EFNA5: variants seen among roughly 807,000 people sequenced by gnomAD.
The protein encoded by EFNA5 is ephrin-A5.
In EFNA5, 5 loss-of-function variants were observed where a neutral mutation model predicts 22.9. That is an observed-to-expected ratio of 0.22 (90% CI 0.11 to 0.46). The LOEUF (loss-of-function observed/expected upper bound fraction) is 0.46, where lower values mean the gene tolerates loss of function less well. Among genes scored for constraint, EFNA5 ranks in the 20% least tolerant of loss-of-function variants. EFNA5 has a pLI of 0.99. For synonymous variants in EFNA5, 113 were observed against 112.2 expected (o/e 1.01, Z -0.04); for missense variants, 237 against 293.3 (o/e 0.81, Z 1.40).
At chr5:107,441,532 G>A (rs1749257133) in intron 1 of EFNA5, among the ~76,000 whole-genome samples, 1 of 152,166 alleles carries the variant, frequency 6.6e-6, no homozygotes, top group East Asian at 1.9e-4. Flanking sequence ...CTTCAGTTTA[G>A]TTCTGAATCC....
intron 1 of EFNA5, among the ~76,000 whole-genome samples, chr5:107,521,758 C>T (rs1747604467): frequency 6.6e-6 from 1 of 152,036 alleles, no homozygotes; most frequent in East Asian, 1.9e-4. Flanking sequence ...AATGTGTGTC[C>T]CTTTCATACC....
At chr5:107,423,845 TTAAAA>T (rs1277100599) in intron 2 of EFNA5, among the ~76,000 whole-genome samples, 1 of 152,180 alleles carries the variant, frequency 6.6e-6, no homozygotes, top group Non-Finnish European at 1.5e-5. Flanking sequence ...TTCTTGGGAG[TTAAAA>T]TAAAGGGACT....
rs3999107 is a variant in EFNA5, at chr5:107,435,315, C to CTTTTTTTTTTTTTTTTT, written c.126-7823_126-7807dup. On this transcript the variant is annotated intron_variant, in intron 1 of 4. Coordinates refer to ENST00000333274, the MANE Select transcript of EFNA5 (RefSeq NM_001962.3). ...TTCCTATTCTAAATCTGAAGATGCT[C>CTTTTTTTTTTTTTTTTT]TTTTTTTTTTTTTTTTTTTTTTGCT... Among the ~76,000 whole-genome samples, 269 of 104,610 alleles carry CTTTTTTTTTTTTTTTTT rather than the reference C, an allele frequency of 2.6e-3. 1 individual carries two copies. Among genetic ancestry groups the CTTTTTTTTTTTTTTTTT allele is most frequent in the Middle Eastern group, 6.3e-3 (1 of 160 alleles). 68.6% of individuals were successfully genotyped at this position (104,610 alleles called of 152,430 possible).
At chr5:107,585,227 A>G (rs1452443975) in intron 1 of EFNA5, among the ~76,000 whole-genome samples, 1 of 152,204 alleles carries the variant, frequency 6.6e-6, no homozygotes, top group African/African-American at 2.4e-5. Context: ...CTTTTCACTT[A>G]TCATAAGAGT....
intron 1 of EFNA5, among the ~76,000 whole-genome samples, chr5:107,480,259 T>C (rs1443418202): frequency 2.0e-5 from 3 of 152,246 alleles, no homozygotes; most frequent in Non-Finnish European, 2.9e-5. Flanking sequence ...TAAATCAATG[T>C]ATTGCTAAAA....
intron 1 of EFNA5, among the ~76,000 whole-genome samples, chr5:107,577,294 T>C (rs17348530): frequency 0.24 from 37,124 of 151,958 alleles, 5,236 homozygotes; most frequent in Middle Eastern, 0.33. Flanking sequence ...AAGGGGAAAT[T>C]TGCCATTCCC....
At chr5:107,403,133 G>A (rs1364935009) in intron 2 of EFNA5, among the ~76,000 whole-genome samples, 1 of 152,098 alleles carries the variant, frequency 6.6e-6, no homozygotes, top group South Asian at 2.1e-4. Context: ...TATAGCCAGG[G>A]CCTGAACCAC....
At chr5:107,386,187 A>AG (rs2112486618) in intron 4 of EFNA5, among the ~76,000 whole-genome samples, 1 of 151,472 alleles carries the variant, frequency 6.6e-6, no homozygotes, top group East Asian at 1.9e-4. Context: ...CATTTACATA[A>AG]GGGGGCTCAA....
At chr5:107,423,413 T>A (rs1252221954) in intron 2 of EFNA5, among the ~76,000 whole-genome samples, 2 of 145,334 alleles carry the variant, frequency 1.4e-5, no homozygotes, top group Non-Finnish European at 1.5e-5. Context: ...AAAGGAGTAT[T>A]AAAAAAAAAA....
chr5:107,608,500 T>C (rs527792805), intron 1 of EFNA5, among the ~76,000 whole-genome samples: 1 of 152,376 alleles, frequency 6.6e-6, no homozygotes, highest in Non-Finnish European at 1.5e-5. Context: ...AGACAGATCT[T>C]TCTGCCTGCC....
In EFNA5 at chr5:107,566,073, T is replaced by C. The variant is rs569107607; in HGVS notation, c.125+104416A>G. ...GCTCATTGATATTCCCAGAAGATTCTCTCAATGGAAGAAGATCATTTAAAA... is the reference window on the plus strand; with the variant it reads ...GCTCATTGATATTCCCAGAAGATTCCCTCAATGGAAGAAGATCATTTAAAA... On this transcript the variant is annotated intron_variant, in intron 1 of 4. Coordinates refer to ENST00000333274, the MANE Select transcript of EFNA5 (RefSeq NM_001962.3). Among the ~76,000 whole-genome samples, 26 of 152,264 alleles carry C rather than the reference T, an allele frequency of 1.7e-4. 1 individual carries two copies. In the South Asian group the frequency reaches 4.2e-3, roughly 24 times the overall value.
chr5:107,602,420 G>A (rs1424648473), intron 1 of EFNA5, among the ~76,000 whole-genome samples: 1 of 152,180 alleles, frequency 6.6e-6, no homozygotes, highest in Non-Finnish European at 1.5e-5. Flanking sequence ...ATGGGGTAAA[G>A]ATAAAAATCA....
chr5:107,460,937 T>G (rs1226188685), intron 1 of EFNA5, among the ~76,000 whole-genome samples: 1 of 152,148 alleles, frequency 6.6e-6, no homozygotes, highest in Non-Finnish European at 1.5e-5. Flanking sequence ...GGACACGGTA[T>G]TCATTCCACA....
chr5:107,630,622 C>A lies in EFNA5; in HGVS notation c.125+39867G>T, dbSNP rs576476224. On this transcript the variant is annotated intron_variant, in intron 1 of 4. Coordinates refer to ENST00000333274, the MANE Select transcript of EFNA5 (RefSeq NM_001962.3). ...CTGAATATGAAGACCCAGCTCTGTA[C>A]ACTTCTGTAGACTTTATGAACACTG... Among the ~76,000 whole-genome samples, 6 of 151,996 alleles carry A rather than the reference C, an allele frequency of 3.9e-5. No individual in the cohort carries two copies. In the East Asian group the frequency reaches 9.7e-4, roughly 25 times the overall value.
chr5:107,428,338 A>G (rs1373777591), intron 1 of EFNA5, among the ~76,000 whole-genome samples: 7 of 152,350 alleles, frequency 4.6e-5, no homozygotes, highest in African/African-American at 1.7e-4. Flanking sequence ...GTGAGTAATG[A>G]AAGTAACAAG....
rs576550334 is a variant in EFNA5, at chr5:107,486,896, C to A, written c.126-59387G>T. On this transcript the variant is annotated intron_variant, in intron 1 of 4. Coordinates refer to ENST00000333274, the MANE Select transcript of EFNA5 (RefSeq NM_001962.3). ...TATGAAAAGAATTTTAGGGTCTCCTCAGTGTATTTATACTTTAGTTTCCTT... is the reference window on the plus strand; with the variant it reads ...TATGAAAAGAATTTTAGGGTCTCCTAAGTGTATTTATACTTTAGTTTCCTT... Among the ~76,000 whole-genome samples, 268 of 152,298 alleles carry A rather than the reference C, an allele frequency of 1.8e-3. 6 individuals carry two copies. In the East Asian group the frequency reaches 0.043, roughly 24 times the overall value.
At chr5:107,450,096 C>T (rs543354827) in intron 1 of EFNA5, among the ~76,000 whole-genome samples, 9 of 152,248 alleles carry the variant, frequency 5.9e-5, no homozygotes, top group Non-Finnish European at 7.4e-5. Flanking sequence ...TTTGTATTAA[C>T]GACGGCAGAA....
Position 107,670,764 on chromosome 5 carries a change from G to C in EFNA5, c.-151C>G. The stretch of plus-strand genomic sequence containing the variant: ...TGAAAGTGGGCGAGAAAGGAAAGAG[G>C]CGCCCACCAAGCTGGGGAGGGGTAG... On this transcript the variant is annotated 5_prime_UTR_variant, in exon 1 of 5. Transcript: ENST00000333274. 9 of 1,103,810 alleles carry C rather than the reference G, an allele frequency of 8.2e-6. No individual in the cohort carries two copies. The highest frequency in any genetic ancestry group is 1.6e-5 in the African/African-American group (1 of 62,620). The allele number at this position is 1,103,810 out of a possible 1,614,324, so 68.4% of individuals were successfully genotyped here. A position where few individuals can be genotyped will look rare whatever the true frequency, so the allele number is the denominator to read the frequency against.
chr5:107,505,579 A>G (rs1374299401), intron 1 of EFNA5, among the ~76,000 whole-genome samples: 1 of 152,186 alleles, frequency 6.6e-6, no homozygotes, highest in Non-Finnish European at 1.5e-5. Flanking sequence ...CTATATCCTC[A>G]AAAAAGTAGC....
Sources: gnomAD v4.1 joint callset for allele counts (sites outside exome capture counted in the v4.1 genomes callset) on GRCh38, gnomAD v4.1.1 for gene constraint, MANE v1.5 for transcripts, NCBI Gene and HGNC (gene_info 2026-07-23, HGNC 2026-07-21) for gene names.